The following FBXO38 variants were observed in gnomAD, a reference collection of about 807,000 sequenced individuals.
FBXO38 encodes F-box protein 38.
Under a neutral mutation model 131.9 loss-of-function variants are expected in FBXO38, and 53 were observed. The ratio of observed to expected loss-of-function variants is 0.40; its 90% CI spans 0.32 to 0.51. The LOEUF is 0.51. Among genes scored for constraint, FBXO38 ranks in the 20% least tolerant of loss-of-function variants. The pLI is 0.53. For missense variants in FBXO38, 1,076 were observed against 1,475.6 expected, an observed-to-expected ratio of 0.73 and a Z score of 4.44; for synonymous variants, 452 against 505.6, an observed-to-expected ratio of 0.89 and a Z score of 1.42.
chr5:148,402,293 C>T (rs761232334), intron 4 of FBXO38, 55 bp from the exon 5 acceptor site: 15 of 1,563,594 alleles, frequency 9.6e-6, no homozygotes, highest in Non-Finnish European at 1.3e-5. Flanking sequence ...GTACATAAAG[C>T]TTTGGATGCT....
chr5:148,441,296 A>G (rs984515806), intron 21 of FBXO38, 59 bp downstream of exon 21: 65 of 1,210,710 alleles, frequency 5.4e-5, no homozygotes, highest in Middle Eastern at 1.9e-4. Flanking sequence ...ACTGTGTTAC[A>G]TACTTAATAT....
At chr5:148,387,690 C>CTTT (rs142417126) in intron 1 of FBXO38, among the ~76,000 whole-genome samples, 28 of 126,698 alleles carry the variant, frequency 2.2e-4, no homozygotes, top group East Asian at 9.7e-4. Context: ...GAATTTATTT[C>CTTT]TTTTTTTTTT....
At chr5:148,437,216 A>C (rs1405136463) in intron 17 of FBXO38, among the ~76,000 whole-genome samples, 1 of 152,266 alleles carries the variant, frequency 6.6e-6, no homozygotes, top group African/African-American at 2.4e-5. Flanking sequence ...TGGTGAGAGG[A>C]TCTTAGCTTA....
At chr5:148,412,550 T>C (rs1752822845) in intron 9 of FBXO38, among the ~76,000 whole-genome samples, 1 of 152,162 alleles carries the variant, frequency 6.6e-6, no homozygotes, top group African/African-American at 2.4e-5. Flanking sequence ...ATTTATGATC[T>C]GTAAGCTTTA....
At chr5:148,390,810 C>T (rs1053717823) in intron 1 of FBXO38, among the ~76,000 whole-genome samples, 1 of 151,960 alleles carries the variant, frequency 6.6e-6, no homozygotes, top group Admixed American at 6.6e-5. Flanking sequence ...AAAAGCACCA[C>T]ATTGCAGAAT....
At chr5:148,407,097 G>A (rs949537559) in intron 7 of FBXO38, among the ~76,000 whole-genome samples, 2 of 152,194 alleles carry the variant, frequency 1.3e-5, no homozygotes, top group African/African-American at 4.8e-5. Context: ...GAAATATAAT[G>A]AAGAGTAAAC....
rs755846146 is a variant in FBXO38, at chr5:148,427,484, G to A, written c.2190G>A (p.Thr730=). The A allele has an allele frequency of 6.2e-7, 1 of 1,614,208 alleles. No homozygotes were observed. The highest frequency in any genetic ancestry group is 2.2e-5 in the East Asian group (1 of 44,882). The part of the protein sequence containing the change: ...TASQSPDFVR[T]VNSGGSSEPS... The stretch of plus-strand genomic sequence containing the variant: ...CTCAAAGCCCCGACTTTGTAAGGAC[G>A]GTGAACAGCGGCGGCTCTTCCGAGC... Residue 730 remains threonine, a synonymous_variant, in exon 15 of 22, where the codon ACG becomes ACA. Coordinates refer to ENST00000340253, the MANE Select transcript of FBXO38 (RefSeq NM_205836.3).
chr5:148,440,030 ATGTACT>A (rs374090982), intron 19 of FBXO38, among the ~76,000 whole-genome samples: 11 of 152,354 alleles, frequency 7.2e-5, no homozygotes, highest in African/African-American at 2.6e-4. Flanking sequence ...CAGATTGCAC[ATGTACT>A]TGTAACATTA....
rs1163612325 is a variant in FBXO38, at chr5:148,402,076, A to G, written c.357A>G (p.Arg119=). ...GLHPRYLERR[R]VRGHEAFSIP... ...ACCCTCGATACCTTGAGAGGCGAAG[A>G]GTAAGGGGCCATGAGGCTTTTAGCA... Residue 119 remains arginine, a synonymous_variant, in exon 4 of 22, where the codon AGA becomes AGG. Transcript: ENST00000340253. The G allele has an allele frequency of 6.2e-7, 1 of 1,613,748 alleles. No individual in the cohort carries two copies. The highest frequency in any genetic ancestry group is 2.2e-5 in the East Asian group (1 of 44,866).
chr5:148,439,865 A>T lies in FBXO38; in HGVS notation c.3170+73A>T. The T allele has an allele frequency of 2.1e-6, 3 of 1,452,254 alleles. No individual in the cohort carries two copies. The South Asian group carries it at 3.8e-5, about 18-fold the overall frequency. 90.0% of individuals were successfully genotyped at this position (1,452,254 alleles called of 1,614,324 possible). A position where few individuals can be genotyped will look rare whatever the true frequency, so the allele number is the denominator to read the frequency against. On this transcript the variant is annotated intron_variant, in intron 19 of 21. Transcript: ENST00000340253. ...GCAGGGACTCCCAGAAGCAAATCCCAATTTTTCTTTATTTTAAATGATTCC... is the reference window on the plus strand; with the variant it reads ...GCAGGGACTCCCAGAAGCAAATCCCTATTTTTCTTTATTTTAAATGATTCC...
chr5:148,433,809 G>A (rs1028910892), intron 17 of FBXO38, 72 bp downstream of exon 17: 1 of 770,342 alleles, frequency 1.3e-6, no homozygotes, highest in Admixed American at 2.5e-5. Flanking sequence ...CATAAATACT[G>A]TAATAGCATT....
intron 10 of FBXO38, among the ~76,000 whole-genome samples, chr5:148,415,158 A>AACTTTAGGATGTAGCAGGCGTAGATG (rs1934028622): frequency 6.6e-6 from 1 of 152,198 alleles, no homozygotes; most frequent in Non-Finnish European, 1.5e-5. Flanking sequence ...GGGAAATATG[A>AACTTTAGGATGTAGCAGGCGTAGATG]ACTTTAGGAT....
intron 12 of FBXO38, among the ~76,000 whole-genome samples, chr5:148,417,980 T>G (rs1056745949): frequency 6.6e-6 from 1 of 152,212 alleles, no homozygotes; most frequent in African/African-American, 2.4e-5. Flanking sequence ...CAATGAAATG[T>G]ACTGTGTACA....
At position 148,441,910 on chromosome 5, in the gene FBXO38, G is replaced by A. The variant is rs1581316641; in HGVS notation, c.3389-59G>A. 1.2e-5 allele frequency: 17 copies of A among 1,476,960 alleles called. No individual in the cohort carries two copies. The South Asian group carries it at 2.0e-4, about 18-fold the overall frequency. 91.5% of individuals were successfully genotyped at this position (1,476,960 alleles called of 1,614,324 possible). A position where few individuals can be genotyped will look rare whatever the true frequency, so the allele number is the denominator to read the frequency against. On this transcript the variant is annotated intron_variant, in intron 21 of 21. Transcript: ENST00000340253. ...CTGTCCTATGGACCAGCTTATCAGT[G>A]ATTTTCCAAATGATTCTGATTATCA...
chr5:148,399,274 G>A (rs1752004717), intron 3 of FBXO38, 142 bp downstream of exon 3: 2 of 918,472 alleles, frequency 2.2e-6, no homozygotes, highest in African/African-American at 1.7e-5. Context: ...AATTATTTAT[G>A]TTGGGTTTTA....
In FBXO38 at chr5:148,425,504, C is replaced by T. The variant is rs200733090; in HGVS notation, c.1739-18C>T. On this transcript the variant is annotated intron_variant, in intron 13 of 21. Coordinates refer to ENST00000340253, the MANE Select transcript of FBXO38 (RefSeq NM_205836.3). ...TCTTGCGCAAAAAGTAACTGTTAGG[C>T]CTGTGCTTTTTTTTAAGGACCCAGT... 15 of 1,602,552 alleles carry T rather than the reference C, an allele frequency of 9.4e-6. No homozygotes were observed. In the East Asian group the frequency reaches 3.3e-4, roughly 36 times the overall value.
chr5:148,425,476 C>CT (rs1753659796), intron 13 of FBXO38, 46 bp from the exon 14 acceptor site: 1 of 1,493,272 alleles, frequency 6.7e-7, no homozygotes. Context: ...GCATTAGATC[C>CT]TTTCTTGCGC....
In FBXO38 at chr5:148,441,961, T is replaced by C; in HGVS notation, c.3389-8T>C. 1 of 1,601,806 alleles carries C rather than the reference T, an allele frequency of 6.2e-7. No homozygotes were observed. Among genetic ancestry groups the C allele is most frequent in the Non-Finnish European group, 8.5e-7 (1 of 1,175,066 alleles). ...TATGTATCTCTCCTTTTATTTCTAATTTCAAAGGCACTATCTATGCTCCTA... is the reference window on the plus strand; with the variant it reads ...TATGTATCTCTCCTTTTATTTCTAACTTCAAAGGCACTATCTATGCTCCTA... On this transcript the variant is annotated splice_region_variant and splice_polypyrimidine_tract_variant and intron_variant, in intron 21 of 21. Transcript: ENST00000340253.
intron 7 of FBXO38, among the ~76,000 whole-genome samples, chr5:148,407,817 C>T (rs542108452): frequency 2.6e-5 from 4 of 151,710 alleles, no homozygotes; most frequent in East Asian, 2.0e-4. Flanking sequence ...CCCAGCTACT[C>T]GGGAGGCTGA....
Sources: gnomAD v4.1 joint callset for allele counts (sites outside exome capture counted in the v4.1 genomes callset) on GRCh38, gnomAD v4.1.1 for gene constraint, MANE v1.5 for transcripts, NCBI Gene and HGNC (gene_info 2026-07-23, HGNC 2026-07-21) for gene names.